The following TBCD variants were observed in gnomAD, a reference collection of about 807,000 sequenced individuals.
TBCD encodes the protein tubulin folding cofactor D, also known as tubulin-specific chaperone D.
Under a neutral mutation model 169.3 loss-of-function variants are expected in TBCD, and 105 were observed. That is an observed-to-expected ratio of 0.62 (90% CI 0.53 to 0.73). The LOEUF (loss-of-function observed/expected upper bound fraction) is 0.73. TBCD is among the 30% of genes least tolerant of loss of function. The pLI, the probability that TBCD is intolerant of heterozygous loss-of-function variation, is 0.00. For synonymous variants in TBCD, 700 were observed against 643.9 expected (o/e 1.09, Z -1.32); for missense variants, 1,444 against 1,600.1 (o/e 0.90, Z 1.66).
At chr17:82,921,720 T>C (rs528239549) in intron 25 of TBCD, 143 bp downstream of exon 25, 2 of 732,542 alleles carry the variant, frequency 2.7e-6, no homozygotes, top group Admixed American at 4.5e-5. Flanking sequence ...ATAATTCTAT[T>C]TGGAATCCCG....
At chr17:82,824,757 G>T (rs926011432) in intron 13 of TBCD, among the ~76,000 whole-genome samples, 2 of 151,946 alleles carry the variant, frequency 1.3e-5, no homozygotes, top group African/African-American at 4.8e-5. Flanking sequence ...ACAAGAACCT[G>T]TTTGACACCC....
chr17:82,902,292 A>G (rs967192021), intron 18 of TBCD, among the ~76,000 whole-genome samples: 8 of 151,932 alleles, frequency 5.3e-5, no homozygotes, highest in Admixed American at 3.9e-4. Flanking sequence ...TCTGTTCCAT[A>G]CGCTTTGCTT....
chr17:82,863,437 C>T (rs1392733859), intron 13 of TBCD, among the ~76,000 whole-genome samples: 2 of 152,188 alleles, frequency 1.3e-5, no homozygotes, highest in East Asian at 1.9e-4. Flanking sequence ...TCTCCGAGAG[C>T]GACGGCTTAA....
intron 13 of TBCD, among the ~76,000 whole-genome samples, chr17:82,823,327 GACA>G (rs1555602600): frequency 6.6e-6 from 1 of 152,250 alleles, no homozygotes; most frequent in Non-Finnish European, 1.5e-5. Flanking sequence ...AGCACGTCCT[GACA>G]TGGCCCCAGT....
rs112448786 is a variant in TBCD, at chr17:82,777,775, G to A, written c.639-3814G>A. ...GACGGTTAGGCCTCCGGATAACTGC[G>A]GGCGAGCCTGACTGATGTCAGGCCC... On this transcript the variant is annotated intron_variant, in intron 6 of 38. Coordinates refer to ENST00000355528, the MANE Select transcript of TBCD (RefSeq NM_005993.5). Among the ~76,000 whole-genome samples the A allele has an allele frequency of 8.7e-4, 132 of 152,276 alleles. 1 individual carries two copies. The Middle Eastern group carries it at 0.01, about 12-fold the overall frequency.
At chr17:82,899,510 G>A (rs745485147) in intron 17 of TBCD, among the ~76,000 whole-genome samples, 3 of 152,262 alleles carry the variant, frequency 2.0e-5, no homozygotes, top group Non-Finnish European at 4.4e-5. Flanking sequence ...GGTGAGTTGT[G>A]TGCACTGTTC....
chr17:82,784,022 G>A (rs988271178), intron 7 of TBCD, among the ~76,000 whole-genome samples: 1 of 151,976 alleles, frequency 6.6e-6, no homozygotes, highest in Admixed American at 6.6e-5. Flanking sequence ...CTACTCCGGA[G>A]GCTGAGGCAG....
At chr17:82,804,191 G>C (rs1443546397) in intron 9 of TBCD, among the ~76,000 whole-genome samples, 5 of 151,984 alleles carry the variant, frequency 3.3e-5, no homozygotes, top group African/African-American at 1.2e-4. Flanking sequence ...GTGCCTGCTC[G>C]TGGGGCATTA....
chr17:82,870,172 G>C (rs144560170), intron 13 of TBCD, 52 bp from the exon 14 acceptor site: 1 of 1,608,648 alleles, frequency 6.2e-7, no homozygotes, highest in Admixed American at 1.7e-5. Context: ...GAAGCCTCAC[G>C]TGTTGCCCGT....
chr17:82,811,125 A>G (rs2051405576), intron 12 of TBCD, among the ~76,000 whole-genome samples: 1 of 152,148 alleles, frequency 6.6e-6, no homozygotes, highest in African/African-American at 2.4e-5. Flanking sequence ...GCCTTGTTTC[A>G]GGCGTGTCCC....
At chr17:82,894,296 A>T (rs1248194185) in intron 17 of TBCD, among the ~76,000 whole-genome samples, 5 of 152,206 alleles carry the variant, frequency 3.3e-5, no homozygotes, top group Non-Finnish European at 7.3e-5. Flanking sequence ...TTGCAGCAGA[A>T]ATGTGAAAAA....
At position 82,930,161 on chromosome 17, in the gene TBCD, G is replaced by C; in HGVS notation, c.2992-361G>C. 1 of 302,716 alleles carries C rather than the reference G, an allele frequency of 3.3e-6. No individual in the cohort carries two copies. Among genetic ancestry groups the C allele is most frequent in the Non-Finnish European group, 6.3e-6 (1 of 158,960 alleles). 18.8% of individuals were successfully genotyped at this position (302,716 alleles called of 1,614,324 possible). A position where few individuals can be genotyped will look rare whatever the true frequency, so the allele number is the denominator to read the frequency against. On this transcript the variant is annotated intron_variant, in intron 32 of 38. Coordinates refer to ENST00000355528, the MANE Select transcript of TBCD (RefSeq NM_005993.5). The surrounding 1 kb of genome is among the most constrained non-coding windows in gnomAD (Gnocchi z 5.2). The stretch of plus-strand genomic sequence containing the variant: ...GCGGGGAGACCCGGGCCACATGCGA[G>C]CGGGGCCCCGAGACATTCTGCACTC...
At chr17:82,850,590 C>G (rs1185280591) in intron 13 of TBCD, among the ~76,000 whole-genome samples, 1 of 149,178 alleles carries the variant, frequency 6.7e-6, no homozygotes, top group African/African-American at 2.5e-5. Context: ...GTTGGCTGTC[C>G]TGTTGTTGGC....
intron 13 of TBCD, among the ~76,000 whole-genome samples, chr17:82,853,879 G>A (rs2056026533): frequency 6.6e-6 from 1 of 152,104 alleles, no homozygotes; most frequent in African/African-American, 2.4e-5. Context: ...CTTATTATAT[G>A]AATTTTGCTT....
At position 82,811,497 on chromosome 17, in the gene TBCD, T is replaced by C. The variant is rs375654591; in HGVS notation, c.1223+1715T>C. Among the ~76,000 whole-genome samples the C allele has an allele frequency of 3.3e-5, 5 of 152,188 alleles. No homozygotes were observed. The East Asian group carries it at 9.6e-4, about 29-fold the overall frequency. ...TTTGTAGCTAGGTTCTGGGACGGGG[T>C]GGCCTTTTTACTCTTGATTTCGCAG... On this transcript the variant is annotated intron_variant, in intron 12 of 38. Transcript: ENST00000355528.
At chr17:82,852,111 C>A (rs1044228968) in intron 13 of TBCD, among the ~76,000 whole-genome samples, 1 of 152,016 alleles carries the variant, frequency 6.6e-6, no homozygotes, top group Admixed American at 6.5e-5. Context: ...ACATTTTACC[C>A]CACGCTCCTT....
intron 8 of TBCD, among the ~76,000 whole-genome samples, chr17:82,800,250 G>A (rs113606094): frequency 0.042 from 6,323 of 152,128 alleles, 249 homozygotes; most frequent in African/African-American, 0.11. Flanking sequence ...GCTTGCCCTC[G>A]TCGCAGCACC....
chr17:82,769,942 CTG>C (rs1194967449), intron 5 of TBCD, among the ~76,000 whole-genome samples: 1 of 151,494 alleles, frequency 6.6e-6, no homozygotes, highest in Non-Finnish European at 1.5e-5. Context: ...GATTAATTAA[CTG>C]TGATTAATAA....
chr17:82,909,975 C>G (rs1010333125), intron 22 of TBCD, among the ~76,000 whole-genome samples: 3 of 152,172 alleles, frequency 2.0e-5, no homozygotes, highest in African/African-American at 7.2e-5. Flanking sequence ...GGTGTGGTTT[C>G]TTCCCCGACG....
Sources: gnomAD v4.1 joint callset for allele counts (sites outside exome capture counted in the v4.1 genomes callset) on GRCh38, gnomAD v4.1.1 for gene constraint, Gnocchi (gnomAD v3.1) non-coding constraint, MANE v1.5 for transcripts, NCBI Gene and HGNC (gene_info 2026-07-23, HGNC 2026-07-21) for gene names.